The following MARK2 variants were observed in gnomAD, a reference collection of about 807,000 sequenced individuals.
The protein encoded by MARK2 is serine/threonine-protein kinase MARK2.
Under a neutral mutation model 89.8 loss-of-function variants are expected in MARK2, and 16 were observed. The observed-to-expected ratio is 0.18, with a 90% CI of 0.12 to 0.27. MARK2 has a LOEUF of 0.27. MARK2 is among the 10% of genes least tolerant of loss of function. The pLI, the probability that MARK2 is intolerant of heterozygous loss-of-function variation, is 1.00. For synonymous variants in MARK2, 382 were observed against 399.5 expected (o/e 0.96, Z 0.52); for missense variants, 621 against 1,049.9 (o/e 0.59, Z 5.65).
chr11:63,895,463 G>C, intron 2 of MARK2, 117 bp from the exon 3 acceptor site: 1 of 1,421,248 alleles, frequency 7.0e-7, no homozygotes. Flanking sequence ...CTGAGATATA[G>C]GGGTGCAAAA....
intron 1 of MARK2, among the ~76,000 whole-genome samples, chr11:63,871,849 A>G (rs2135265763): frequency 6.7e-6 from 1 of 149,058 alleles, no homozygotes; most frequent in African/African-American, 2.5e-5. Context: ...GTGGGTGAAG[A>G]GTATTCACTG....
intron 1 of MARK2, among the ~76,000 whole-genome samples, chr11:63,860,815 G>A (rs1937716988): frequency 6.6e-6 from 1 of 151,516 alleles, no homozygotes; most frequent in South Asian, 2.1e-4. Context: ...CATAGATCAC[G>A]CCACTGCACT....
At position 63,909,936 on chromosome 11, in the gene MARK2, CT is replaced by C; in HGVS notation, c.*700del. 6.5e-6 allele frequency: 1 copy of C among 152,992 alleles called. No individual in the cohort carries two copies. The allele number at this position is 152,992 out of a possible 1,614,324, so 9.5% of individuals were successfully genotyped here. A position where few individuals can be genotyped will look rare whatever the true frequency, so the allele number is the denominator to read the frequency against. On this transcript the variant is annotated 3_prime_UTR_variant, in exon 19 of 19. Coordinates refer to ENST00000402010, the MANE Select transcript of MARK2 (RefSeq NM_001039469.3). ...AGGGCCGGCACAAGGCTCCGCCTCCCTCCACACTGTACCCTCTGCCCCTCCT... is the reference window on the plus strand; with the variant it reads ...AGGGCCGGCACAAGGCTCCGCCTCCCCCACACTGTACCCTCTGCCCCTCCT...
At chr11:63,869,646 T>C (rs1938338249) in intron 1 of MARK2, among the ~76,000 whole-genome samples, 1 of 152,210 alleles carries the variant, frequency 6.6e-6, no homozygotes, top group South Asian at 2.1e-4. Flanking sequence ...GGTGTGCTAC[T>C]GCTTAGTACC....
chr11:63,907,509 C>T (rs559328085), intron 17 of MARK2, among the ~76,000 whole-genome samples: 2 of 152,376 alleles, frequency 1.3e-5, no homozygotes, highest in East Asian at 3.9e-4. Context: ...CATCTTCCAG[C>T]CAGGAGCTGG....
At chr11:63,869,934 T>A (rs1053447292) in intron 1 of MARK2, among the ~76,000 whole-genome samples, 1 of 152,214 alleles carries the variant, frequency 6.6e-6, no homozygotes, top group Non-Finnish European at 1.5e-5. Context: ...TCAGGGCTCG[T>A]CTCCGGTGCC....
At chr11:63,905,817 C>T (rs952742009) in intron 16 of MARK2, among the ~76,000 whole-genome samples, 9 of 152,280 alleles carry the variant, frequency 5.9e-5, no homozygotes, top group Non-Finnish European at 7.4e-5. Context: ...AGAACAGGCT[C>T]GCCTGCCCTT....
At chr11:63,899,783 C>T (rs1388634207) in intron 7 of MARK2, 91 bp from the exon 8 acceptor site, 13 of 813,964 alleles carry the variant, frequency 1.6e-5, no homozygotes, top group East Asian at 2.4e-5. Flanking sequence ...GATGACTTTC[C>T]GTTTGTTCTC....
intron 1 of MARK2, among the ~76,000 whole-genome samples, chr11:63,876,041 C>T (rs1591027735): frequency 6.6e-6 from 1 of 152,306 alleles, no homozygotes; most frequent in East Asian, 1.9e-4. Context: ...TTTCCAGGCC[C>T]ATACATCTAG....
chr11:63,906,103 G>T lies in MARK2; in HGVS notation c.1950G>T (p.Arg650Ser), dbSNP rs922891486. The T allele has an allele frequency of 1.3e-5, 17 of 1,342,736 alleles. No individual in the cohort carries two copies. The highest frequency in any genetic ancestry group is 1.6e-5 in the Non-Finnish European group (17 of 1,043,050). The allele number at this position is 1,342,736 out of a possible 1,614,324, so 83.2% of individuals were successfully genotyped here. A position where few individuals can be genotyped will look rare whatever the true frequency, so the allele number is the denominator to read the frequency against. Residue 650 changes from arginine (R) to serine (S), a missense_variant, in exon 17 of 19, where the codon AGG becomes AGT. Around this residue, in one of 5 missense-constraint regions of MARK2, gnomAD observed 397 missense variants for 567.8 expected, o/e 0.70. Transcript: ENST00000402010. ...GTTTTTTTAGAAATCTGTCTTTCAG[G>T]TTTGCCAGAAGGTAGGCGTTGAGCC... ...SKFVRRNLSF[R>S]FARRNLNEPE... is the part of the protein sequence containing the mutation.
At position 63,903,105 on chromosome 11, in the gene MARK2, A is replaced by T. The variant is rs769984881; in HGVS notation, c.1461A>T (p.Pro487=). The part of the protein sequence containing the change: ...STSTNRSRNS[P]LLERASLGQA... The stretch of plus-strand genomic sequence containing the variant: ...GCACAAATCGAAGCAGGAATTCCCC[A>T]CTTTTGGAGCGGGCCAGCCTCGGCC... Residue 487 remains proline (P), a synonymous_variant, in exon 14 of 19, where the codon CCA becomes CCT. Transcript: ENST00000402010. The surrounding 1 kb of genome is among the most constrained non-coding windows in gnomAD (Gnocchi z 5.1). 2.5e-6 allele frequency: 4 copies of T among 1,613,784 alleles called. No individual in the cohort carries two copies. The African/African-American group carries it at 5.3e-5, about 22-fold the overall frequency.
chr11:63,840,889 G>A (rs1027810585), intron 1 of MARK2, among the ~76,000 whole-genome samples: 7 of 152,122 alleles, frequency 4.6e-5, no homozygotes, highest in African/African-American at 1.7e-4. Flanking sequence ...TTTCACCCAA[G>A]TCTTAGCCTT....
At chr11:63,854,624 A>G (rs2016748822) in intron 1 of MARK2, among the ~76,000 whole-genome samples, 1 of 151,582 alleles carries the variant, frequency 6.6e-6, no homozygotes. Context: ...CACCTGAGGT[A>G]AGGAGTTCGA....
At chr11:63,891,476 G>A (rs1326518728) in intron 1 of MARK2, among the ~76,000 whole-genome samples, 2 of 152,190 alleles carry the variant, frequency 1.3e-5, no homozygotes, top group African/African-American at 2.4e-5. Context: ...CCAGCCCCTC[G>A]GTTCACCAAG....
In MARK2 at chr11:63,853,757, C is replaced by G. The variant is rs150557722; in HGVS notation, c.54+14197C>G. ...GTCATTGTCATGGTCTTCTTTCCCA[C>G]CACAAACTTGTGGTTGAAAAATAAA... On this transcript the variant is annotated intron_variant, in intron 1 of 18. Coordinates refer to ENST00000402010, the MANE Select transcript of MARK2 (RefSeq NM_001039469.3). 1.2e-3 allele frequency among the ~76,000 whole-genome samples: 189 copies of G among 152,268 alleles called. 2 individuals carry two copies. The highest frequency in any genetic ancestry group is 4.2e-3 in the African/African-American group (174 of 41,548).
At chr11:63,881,511 T>G (rs1251705617) in intron 1 of MARK2, among the ~76,000 whole-genome samples, 6 of 152,180 alleles carry the variant, frequency 3.9e-5, no homozygotes, top group Non-Finnish European at 7.4e-5. Context: ...CAAAAAGTTG[T>G]GCCTCTCTTG....
intron 3 of MARK2, among the ~76,000 whole-genome samples, chr11:63,896,919 C>G (rs1343482805): frequency 6.6e-6 from 1 of 152,146 alleles, no homozygotes; most frequent in Non-Finnish European, 1.5e-5. Context: ...CCTTGTTTTT[C>G]TCCCTAATTC....
In MARK2 at chr11:63,902,622, C is replaced by T. The variant is rs765730772; in HGVS notation, c.1256C>T (p.Thr419Ile). The change falls in exon 13 of 19, where the codon ACC becomes ATC. Residue 419 changes from threonine (T) to isoleucine (I), a missense_variant. Thr to Ile is a moderately conservative substitution (Grantham distance 89). Coordinates refer to ENST00000402010, the MANE Select transcript of MARK2 (RefSeq NM_001039469.3). The surrounding 1 kb of genome is among the most constrained non-coding windows in gnomAD (Gnocchi z 4.2). ...SDQAAGPAIP[T>I]SNSYSKKTQS... ...CCAGCAGCTGGTCCTGCCATTCCCACCTCTAATTCTTACTCTAAGAAGACT... is the reference window on the plus strand; with the variant it reads ...CCAGCAGCTGGTCCTGCCATTCCCATCTCTAATTCTTACTCTAAGAAGACT... The T allele has an allele frequency of 2.5e-6, 4 of 1,613,960 alleles. No individual in the cohort carries two copies. Among genetic ancestry groups the T allele is most frequent in the African/African-American group, 1.3e-5 (1 of 74,928 alleles).
chr11:63,844,978 C>G (rs1450472700), intron 1 of MARK2, among the ~76,000 whole-genome samples: 1 of 152,160 alleles, frequency 6.6e-6, no homozygotes, highest in Admixed American at 6.5e-5. Context: ...GACTTTGTGG[C>G]CCATTATCGA....
Sources: gnomAD v4.1 joint callset for allele counts (sites outside exome capture counted in the v4.1 genomes callset) on GRCh38, gnomAD v4.1.1 for gene constraint, gnomAD v4.1.1 regional missense constraint, Gnocchi (gnomAD v3.1) non-coding constraint, MANE v1.5 for transcripts, NCBI Gene and HGNC (gene_info 2026-07-23, HGNC 2026-07-21) for gene names.